The following DPEP2 variants were observed in gnomAD, a reference collection of about 807,000 sequenced individuals.
The protein encoded by DPEP2 is dipeptidase 2.
DPEP2 carries 45 observed loss-of-function variants against 51.8 expected under a neutral mutation model. The ratio of observed to expected loss-of-function variants is 0.87; its 90% CI spans 0.68 to 1.11. DPEP2 has a LOEUF of 1.11. Among genes scored for constraint, DPEP2 ranks in the 50% most tolerant of loss-of-function variants. The pLI is 0.00. For synonymous variants in DPEP2, 255 were observed against 262.7 expected, an observed-to-expected ratio of 0.97 and a Z score of 0.28; for missense variants, 604 against 631.9, an observed-to-expected ratio of 0.96 and a Z score of 0.47.
chr16:67,995,283 GTGA>G lies in DPEP2; in HGVS notation c.-45-2029_-45-2027del, dbSNP rs2032625951. ...GCTGGTCTCAAACTTCTGGCTTCAA[GTGA>G]TGATCTCACCTTGGCCTCCCAAAGT... On this transcript the variant is annotated intron_variant, in intron 1 of 10. Coordinates refer to ENST00000393847, the MANE Select transcript of DPEP2 (RefSeq NM_022355.4). Among the ~76,000 whole-genome samples the G allele has an allele frequency of 3.3e-5, 5 of 152,032 alleles. No individual in the cohort carries two copies. In the South Asian group the frequency reaches 1.0e-3, roughly 32 times the overall value.
rs750591596 is a variant in DPEP2 at position 67,992,961 on chromosome 16, C to A, written c.252G>T (p.Pro84=). The part of the protein sequence containing the change: ...EQARALMRDF[P]LVDGHNDLPL... ...CAGCAATTACGCACCCGTCCACGAG[C>A]GGGAAGTCCCGCATCAGGGCCCGTG... Residue 84 remains proline (P), a synonymous_variant, in exon 2 of 11, where the codon CCG becomes CCT. Coordinates refer to ENST00000393847, the MANE Select transcript of DPEP2 (RefSeq NM_022355.4). 6.8e-6 allele frequency: 11 copies of A among 1,610,874 alleles called. No individual in the cohort carries two copies. In the African/African-American group the frequency reaches 9.3e-5, roughly 14 times the overall value.
At chr16:67,995,371 C>A (rs1412461791) in intron 1 of DPEP2, among the ~76,000 whole-genome samples, 1 of 152,066 alleles carries the variant, frequency 6.6e-6, no homozygotes, top group Non-Finnish European at 1.5e-5. Context: ...TATAGGGAGG[C>A]CCACTGCAGA....
At chr16:67,995,879 G>A (rs2032661805) in intron 1 of DPEP2, among the ~76,000 whole-genome samples, 3 of 151,918 alleles carry the variant, frequency 2.0e-5, no homozygotes, top group Non-Finnish European at 2.9e-5. Context: ...TGGGAGAATC[G>A]TTTCAACCCA....
chr16:67,992,550 G>C lies in DPEP2; in HGVS notation c.350C>G (p.Thr117Ser). The C allele has an allele frequency of 6.2e-7, 1 of 1,614,152 alleles. No homozygotes were observed. Among genetic ancestry groups the C allele is most frequent in the Non-Finnish European group, 8.5e-7 (1 of 1,179,992 alleles). The change falls in exon 3 of 11, where the codon ACC becomes AGC. Residue 117 changes from threonine (T) to serine (S), a missense_variant. Physicochemically the swap from Thr to Ser is moderately conservative, Grantham distance 58. Transcript: ENST00000393847. ...VNLRNFSYGQ[T>S]SLDRLRDGLV... ...GCCATCTCTAAGCCTGTCCAGGCTG[G>C]TCTGGCCGTAGCTGAAATTGCGCAG...
At chr16:67,996,647 G>A (rs375873891) in intron 1 of DPEP2, among the ~76,000 whole-genome samples, 4 of 152,110 alleles carry the variant, frequency 2.6e-5, no homozygotes, top group East Asian at 3.9e-4. Flanking sequence ...CTCCCAAAGC[G>A]CTGGGATTAT....
At chr16:67,990,773 CTGGTT>C in intron 7 of DPEP2, 43 bp downstream of exon 7, 1 of 1,577,222 alleles carries the variant, frequency 6.3e-7, no homozygotes, top group Non-Finnish European at 8.6e-7. Context: ...CGAAGGGCTC[CTGGTT>C]TGAACCTCTT....
Position 67,987,836 on chromosome 16 carries a change from G to A in DPEP2, c.1206+16C>T. The A allele has an allele frequency of 1.2e-6, 2 of 1,614,088 alleles. No individual in the cohort carries two copies. Among genetic ancestry groups the A allele is most frequent in the Non-Finnish European group, 1.7e-6 (2 of 1,180,000 alleles). On this transcript the variant is annotated intron_variant, in intron 10 of 10. Transcript: ENST00000393847. ...GCTCAGACCCCTCGGCTACTCTCTT[G>A]CCCAGCCCAGAGTACCTTTTCCACT...
intron 1 of DPEP2, 158 bp downstream of exon 1, chr16:67,999,217 G>C (rs1024597418): frequency 8.4e-5 from 13 of 153,972 alleles, no homozygotes; most frequent in Non-Finnish European, 1.6e-4. Flanking sequence ...AAGCCCACTG[G>C]GAGGAACAAA....
intron 7 of DPEP2, 51 bp from the exon 8 acceptor site, chr16:67,990,182 T>A (rs1185415871): frequency 6.4e-7 from 1 of 1,573,634 alleles, no homozygotes; most frequent in South Asian, 1.1e-5. Flanking sequence ...GCAAACTGCA[T>A]TCCTGCCCTG....
chr16:67,998,871 C>G (rs185752457), intron 1 of DPEP2, among the ~76,000 whole-genome samples: 34 of 152,206 alleles, frequency 2.2e-4, no homozygotes, highest in Admixed American at 4.6e-4. Flanking sequence ...ACCTTTGTGT[C>G]GACACTCTGT....
At position 67,992,640 on chromosome 16, in the gene DPEP2, G is replaced by C. The variant is rs760190077; in HGVS notation, c.264-4C>G. The C allele has an allele frequency of 6.2e-7, 1 of 1,612,082 alleles. No individual in the cohort carries two copies. ...GACCAGGGGCAGGTCGTTGTGGCTG[G>C]AGGGATGTCAAGCCAGGGTCAGGTG... is the stretch of plus-strand genomic sequence containing the variant. On this transcript the variant is annotated splice_region_variant and splice_polypyrimidine_tract_variant and intron_variant, in intron 2 of 10. Coordinates refer to ENST00000393847, the MANE Select transcript of DPEP2 (RefSeq NM_022355.4).
rs754728021 is a variant in DPEP2 at position 67,989,336 on chromosome 16, C to G, written c.1057G>C (p.Asp353His). Residue 353 changes from aspartate to histidine, a missense_variant, in exon 9 of 11, where the codon GAT (aspartate) becomes CAT (histidine). Asp to His is a moderately conservative substitution (Grantham distance 81, BLOSUM62 -1). Transcript: ENST00000393847. ...SKFIGIGGDY[D>H]GAGKFPQGLE... ...GAAGGCACTCACTTGCCGGCCCCATCATAATCTCCACCAATCCCGATGAAC... is the reference window on the plus strand; with the variant it reads ...GAAGGCACTCACTTGCCGGCCCCATGATAATCTCCACCAATCCCGATGAAC... The G allele has an allele frequency of 1.9e-5, 31 of 1,614,076 alleles. No individual in the cohort carries two copies. The highest frequency in any genetic ancestry group is 1.3e-4 in the Admixed American group (8 of 60,004).
At chr16:67,989,800 A>T (rs953720608) in intron 8 of DPEP2, among the ~76,000 whole-genome samples, 6 of 152,166 alleles carry the variant, frequency 3.9e-5, no homozygotes, top group African/African-American at 1.2e-4. Flanking sequence ...GAGGCCGAGG[A>T]AGGGTGCTTT....
chr16:67,989,949 G>T (rs2031917833), intron 8 of DPEP2, 98 bp downstream of exon 8: 4 of 1,285,122 alleles, frequency 3.1e-6, no homozygotes, highest in Non-Finnish European at 1.1e-6. Context: ...GTCCATCACT[G>T]CATTTTTTTC....
At chr16:67,989,114 G>T (rs779451787) in intron 9 of DPEP2, among the ~76,000 whole-genome samples, 75 of 152,154 alleles carry the variant, frequency 4.9e-4, no homozygotes, top group Non-Finnish European at 8.8e-4. Flanking sequence ...TTGGGGGTAC[G>T]TGCAGTGCTG....
upstream of DPEP2, chr16:68,000,605 C>T: frequency 3.3e-6 from 2 of 598,146 alleles, no homozygotes; most frequent in Non-Finnish European, 4.2e-6. Flanking sequence ...AGAAAGCAGC[C>T]TGGCCACTGT....
chr16:67,998,502 C>A (rs921544936), intron 1 of DPEP2, among the ~76,000 whole-genome samples: 1 of 152,206 alleles, frequency 6.6e-6, no homozygotes, highest in Admixed American at 6.5e-5. Flanking sequence ...CTCCCACCCC[C>A]TCCATGGGCT....
chr16:67,996,275 A>G (rs536450239), intron 1 of DPEP2, among the ~76,000 whole-genome samples: 14 of 151,584 alleles, frequency 9.2e-5, no homozygotes, highest in South Asian at 4.2e-4. Flanking sequence ...TGTCAGTTTG[A>G]AAAATGTAAA....
intron 2 of DPEP2, 50 bp from the exon 3 acceptor site, chr16:67,992,686 C>T: frequency 6.3e-7 from 1 of 1,590,640 alleles, no homozygotes; most frequent in East Asian, 2.2e-5. Flanking sequence ...AGATGGGCCT[C>T]TTAGCCCTCC....
Sources: gnomAD v4.1 joint callset for allele counts (sites outside exome capture counted in the v4.1 genomes callset) on GRCh38, gnomAD v4.1.1 for gene constraint, MANE v1.5 for transcripts, NCBI Gene and HGNC (gene_info 2026-07-23, HGNC 2026-07-21) for gene names.